MRPS35: variants seen among roughly 807,000 people sequenced by gnomAD.
The protein encoded by MRPS35 is small ribosomal subunit protein mS35.
A neutral mutation model predicts 32.7 loss-of-function variants in MRPS35; 29 were observed. That is an observed-to-expected ratio of 0.89 (90% confidence interval 0.66 to 1.21). MRPS35 has a LOEUF of 1.21. Ranked by LOEUF, MRPS35 falls within the 50% of genes most tolerant of loss-of-function variation. The pLI is 0.00. For missense variants in MRPS35, 373 were observed against 383.8 expected, an observed-to-expected ratio of 0.97 and a Z score of 0.23; for synonymous variants, 148 against 139.3, an observed-to-expected ratio of 1.06 and a Z score of -0.44.
intron 7 of MRPS35, among the ~76,000 whole-genome samples, chr12:27,748,633 T>G (rs1055749239): frequency 3.9e-5 from 6 of 152,170 alleles, no homozygotes; most frequent in African/African-American, 1.4e-4. Context: ...TGCTGTTGTT[T>G]GTGCTTTAAA....
intron 7 of MRPS35, among the ~76,000 whole-genome samples, chr12:27,751,102 C>CAAAAAAAA (rs71438703): frequency 2.5e-3 from 94 of 37,832 alleles, no homozygotes; most frequent in Admixed American, 4.4e-3. Context: ...GACTCCATCT[C>CAAAAAAAA]AAAAAAAAAA....
chr12:27,726,281 A>G (rs145025733), intron 5 of MRPS35, among the ~76,000 whole-genome samples: 104 of 152,160 alleles, frequency 6.8e-4, no homozygotes, highest in African/African-American at 2.2e-3. Context: ...TCTTTCACTT[A>G]GTGTAATGTT....
intron 5 of MRPS35, among the ~76,000 whole-genome samples, chr12:27,733,282 A>C (rs2061930048): frequency 6.6e-6 from 1 of 152,056 alleles, no homozygotes; most frequent in Non-Finnish European, 1.5e-5. Flanking sequence ...TGTTCCTGAA[A>C]TATTTATGAT....
intron 7 of MRPS35, among the ~76,000 whole-genome samples, chr12:27,739,220 A>C (rs188248765): frequency 5.1e-4 from 78 of 152,348 alleles, no homozygotes; most frequent in Admixed American, 1.3e-3. Context: ...ACTTTGTGAG[A>C]GAGCCATCAT....
intron 7 of MRPS35, among the ~76,000 whole-genome samples, chr12:27,754,146 C>T (rs1206948559): frequency 1.3e-5 from 2 of 152,006 alleles, no homozygotes; most frequent in Non-Finnish European, 2.9e-5. Context: ...TCCAGCTACT[C>T]AGGAGGCTGA....
At chr12:27,744,619 T>C (rs1316818908) in intron 7 of MRPS35, among the ~76,000 whole-genome samples, 1 of 152,228 alleles carries the variant, frequency 6.6e-6, no homozygotes, top group Non-Finnish European at 1.5e-5. Flanking sequence ...CTCTTTAACA[T>C]GAAGCGTATG....
At chr12:27,743,476 CGAGATG>C (rs2061971430) in intron 7 of MRPS35, among the ~76,000 whole-genome samples, 1 of 151,838 alleles carries the variant, frequency 6.6e-6, no homozygotes, top group African/African-American at 2.4e-5. Context: ...TGCAGTGAGC[CGAGATG>C]GCGCCACTGC....
intron 5 of MRPS35, among the ~76,000 whole-genome samples, chr12:27,731,953 G>A (rs1433859559): frequency 6.6e-6 from 1 of 152,044 alleles, no homozygotes; most frequent in Non-Finnish European, 1.5e-5. Flanking sequence ...AATATACTAA[G>A]TTCTTAGATT....
At chr12:27,716,546 C>A in intron 3 of MRPS35, 88 bp downstream of exon 3, 1 of 1,314,698 alleles carries the variant, frequency 7.6e-7, no homozygotes, top group Non-Finnish European at 1.1e-6. Flanking sequence ...TATGCTTCAC[C>A]GTTCAGTGTA....
At chr12:27,718,233 TG>T (rs1474751375) in intron 3 of MRPS35, among the ~76,000 whole-genome samples, 1 of 152,132 alleles carries the variant, frequency 6.6e-6, no homozygotes, top group East Asian at 1.9e-4. Flanking sequence ...GAGACCAGCC[TG>T]GCCAACATAG....
chr12:27,751,831 G>GT (rs2062005410), intron 7 of MRPS35, among the ~76,000 whole-genome samples: 1 of 152,236 alleles, frequency 6.6e-6, no homozygotes, highest in African/African-American at 2.4e-5. Flanking sequence ...ACACAAACAG[G>GT]TTATATAACA....
Position 27,716,389 on chromosome 12 carries a change from T to G in MRPS35, c.252T>G (p.Pro84=). The G allele has an allele frequency of 6.2e-7, 1 of 1,614,146 alleles. No homozygotes were observed. The highest frequency in any genetic ancestry group is 8.5e-7 in the Non-Finnish European group (1 of 1,180,018). Residue 84 remains proline (P), a synonymous_variant, in exon 3 of 8, where the codon CCT becomes CCG. Transcript: ENST00000081029. ...APFKPSAVPL[P]VRMGYPVKKG... The stretch of plus-strand genomic sequence containing the variant: ...TTAAACCCTCTGCAGTACCTCTTCC[T>G]GTTCGAATGGGTTATCCAGTAAAAA...
chr12:27,747,324 T>C (rs939910545), intron 7 of MRPS35, among the ~76,000 whole-genome samples: 1 of 152,230 alleles, frequency 6.6e-6, no homozygotes, highest in African/African-American at 2.4e-5. Flanking sequence ...TTATTACATA[T>C]AATTGCCTGT....
intron 7 of MRPS35, among the ~76,000 whole-genome samples, chr12:27,742,879 C>T (rs930338485): frequency 2.0e-5 from 3 of 151,956 alleles, no homozygotes; most frequent in Non-Finnish European, 2.9e-5. Context: ...TCTTTGAAGA[C>T]TGAGTTTTGC....
chr12:27,745,889 A>G (rs997048490), intron 7 of MRPS35, among the ~76,000 whole-genome samples: 3 of 152,224 alleles, frequency 2.0e-5, no homozygotes, highest in South Asian at 4.1e-4. Flanking sequence ...TACAAAGGAC[A>G]TGAACTCATC....
At chr12:27,718,630 C>T (rs181725013) in intron 3 of MRPS35, among the ~76,000 whole-genome samples, 1 of 152,304 alleles carries the variant, frequency 6.6e-6, no homozygotes, top group East Asian at 1.9e-4. Context: ...ATGAATGATT[C>T]AGTAGCCTTT....
chr12:27,718,046 A>G (rs1166762935), intron 3 of MRPS35, among the ~76,000 whole-genome samples: 1 of 152,112 alleles, frequency 6.6e-6, no homozygotes, highest in Non-Finnish European at 1.5e-5. Context: ...TAAAATGTAT[A>G]AAAAGGAAAA....
chr12:27,711,065 G>T (rs1487812432), intron 1 of MRPS35, 110 bp downstream of exon 1: 4 of 952,134 alleles, frequency 4.2e-6, no homozygotes, highest in Non-Finnish European at 6.5e-6. Context: ...GGGGAGGCCA[G>T]TGCGTCCGCT....
At chr12:27,734,533 G>A (rs1008667695) in intron 5 of MRPS35, among the ~76,000 whole-genome samples, 1 of 152,110 alleles carries the variant, frequency 6.6e-6, no homozygotes, top group South Asian at 2.1e-4. Context: ...GAGCCACCGT[G>A]CCTGGCCTAT....
Sources: allele counts gnomAD v4.1 joint callset (sites outside exome capture counted in the v4.1 genomes callset), GRCh38; gene constraint gnomAD v4.1.1; transcripts MANE v1.5; gene names NCBI Gene and HGNC (gene_info 2026-07-23, HGNC 2026-07-21).